HPSE2: variants seen among roughly 807,000 people sequenced by gnomAD.
HPSE2 encodes the protein inactive heparanase-2.
Under a neutral mutation model 60.5 loss-of-function variants are expected in HPSE2, and 38 were observed. That is an observed-to-expected ratio of 0.63 (90% CI 0.48 to 0.82). HPSE2 has a LOEUF of 0.82. Among genes scored for constraint, HPSE2 ranks in the 40% least tolerant of loss-of-function variants. HPSE2 has a pLI of 0.00. For synonymous variants in HPSE2, 295 were observed against 293.2 expected, an observed-to-expected ratio of 1.01 and a Z score of -0.06; for missense variants, 713 against 740.4, an observed-to-expected ratio of 0.96 and a Z score of 0.43.
intron 3 of HPSE2, chr10:99,013,216 C>T: frequency 1.5e-6 from 1 of 663,506 alleles, no homozygotes; most frequent in South Asian, 1.4e-5. Flanking sequence ...GTTAGCTTCA[C>T]AAACTGGGAG....
chr10:98,856,643 T>C (rs985630859), intron 3 of HPSE2, among the ~76,000 whole-genome samples: 5 of 152,176 alleles, frequency 3.3e-5, no homozygotes, highest in African/African-American at 1.2e-4. Flanking sequence ...ATAAGATGGA[T>C]GGCTGTGATG....
chr10:98,894,602 A>G (rs981608114), intron 3 of HPSE2, among the ~76,000 whole-genome samples: 3 of 152,038 alleles, frequency 2.0e-5, no homozygotes, highest in African/African-American at 7.3e-5. Context: ...AAAGTCAAAG[A>G]TATAGAAAAT....
chr10:98,970,634 T>C (rs1048715266), intron 3 of HPSE2, among the ~76,000 whole-genome samples: 2 of 152,204 alleles, frequency 1.3e-5, no homozygotes, highest in Non-Finnish European at 2.9e-5. Context: ...TTGCATTCCT[T>C]GAATTCAGGA....
At chr10:99,220,600 C>T (rs185388641) in intron 2 of HPSE2, among the ~76,000 whole-genome samples, 4 of 152,018 alleles carry the variant, frequency 2.6e-5, no homozygotes, top group East Asian at 2.0e-4. Context: ...CTCAAGAGAT[C>T]GAGACCATCC....
chr10:98,919,726 C>T (rs539238447), intron 3 of HPSE2, among the ~76,000 whole-genome samples: 60 of 151,994 alleles, frequency 3.9e-4, no homozygotes, highest in African/African-American at 1.3e-3. Flanking sequence ...ATATTAGATA[C>T]CAAGTGGCAA....
In HPSE2 at chr10:98,622,356, G is replaced by C. The variant is rs980563354; in HGVS notation, c.1099-1648C>G. Among the ~76,000 whole-genome samples the C allele has an allele frequency of 5.9e-5, 9 of 152,298 alleles. No homozygotes were observed. The East Asian group carries it at 9.6e-4, about 16-fold the overall frequency. ...ACACATAAGGAAAGATTATATAAGA[G>C]AGAGGTGAAAATTAAAACAAAAACA... On this transcript the variant is annotated intron_variant, in intron 7 of 11. Transcript: ENST00000370552.
intron 3 of HPSE2, among the ~76,000 whole-genome samples, chr10:99,031,488 T>C (rs1187390437): frequency 6.6e-6 from 1 of 152,214 alleles, no homozygotes; most frequent in Non-Finnish European, 1.5e-5. Flanking sequence ...ATTTCCATAA[T>C]ACACAGCACA....
intron 9 of HPSE2, among the ~76,000 whole-genome samples, chr10:98,564,708 CAA>C (rs1944289728): frequency 6.6e-6 from 1 of 152,160 alleles, no homozygotes; most frequent in African/African-American, 2.4e-5. Flanking sequence ...CTAAACCAAA[CAA>C]ACATTTTAGG....
intron 3 of HPSE2, among the ~76,000 whole-genome samples, chr10:98,995,727 T>C (rs1057222105): frequency 2.6e-5 from 4 of 151,850 alleles, no homozygotes; most frequent in Admixed American, 6.6e-5. Context: ...CCAGAACAAA[T>C]AAGAAATTCT....
chr10:98,459,664 A>G lies in HPSE2; in HGVS notation c.1689T>C (p.Leu563=). Residue 563 remains leucine (L), a synonymous_variant, in exon 12 of 12, where the codon CTT becomes CTC. Coordinates refer to ENST00000370552, the MANE Select transcript of HPSE2 (RefSeq NM_021828.5). ...GTLPELKPRP[L]RAGRTLVIPP... ...GGATGACCAATGTCCGGCCGGCCCG[A>G]AGGGGGCGGGGCTTCAATTCTGGGA... 6.2e-7 allele frequency: 1 copy of G among 1,614,140 alleles called. No individual in the cohort carries two copies. Among genetic ancestry groups the G allele is most frequent in the Non-Finnish European group, 8.5e-7 (1 of 1,180,010 alleles).
chr10:99,225,896 A>G (rs1312279739), intron 2 of HPSE2, among the ~76,000 whole-genome samples: 3 of 152,018 alleles, frequency 2.0e-5, no homozygotes, highest in Non-Finnish European at 4.4e-5. Flanking sequence ...ACATATTTTG[A>G]AGTTAAGAAA....
At chr10:98,725,697 C>T (rs917546499) in intron 4 of HPSE2, among the ~76,000 whole-genome samples, 1 of 152,122 alleles carries the variant, frequency 6.6e-6, no homozygotes, top group African/African-American at 2.4e-5. Flanking sequence ...TCAGAGTGAA[C>T]AGGCAACCTA....
chr10:98,459,814 A>C, intron 11 of HPSE2, 75 bp from the exon 12 acceptor site: 1 of 1,416,992 alleles, frequency 7.1e-7, no homozygotes, highest in Non-Finnish European at 9.8e-7. Context: ...CTAGCCCCAG[A>C]TGGCCTGGCA....
At chr10:98,594,456 T>C (rs1444645633) in intron 9 of HPSE2, among the ~76,000 whole-genome samples, 1 of 152,162 alleles carries the variant, frequency 6.6e-6, no homozygotes, top group African/African-American at 2.4e-5. Context: ...ATGGTTTTTT[T>C]AGTGGAGTCT....
chr10:98,703,572 G>A (rs905878982), intron 5 of HPSE2, among the ~76,000 whole-genome samples: 19 of 152,062 alleles, frequency 1.2e-4, no homozygotes, highest in East Asian at 1.9e-4. Context: ...CTTATCCACC[G>A]TGATCAAGTC....
intron 3 of HPSE2, among the ~76,000 whole-genome samples, chr10:99,032,527 AT>A (rs1377360924): frequency 6.6e-6 from 1 of 152,126 alleles, no homozygotes; most frequent in Non-Finnish European, 1.5e-5. Context: ...TGCTTTTATA[AT>A]TTTTTTAAAA....
intron 3 of HPSE2, among the ~76,000 whole-genome samples, chr10:99,030,852 C>G (rs1957483132): frequency 6.6e-6 from 1 of 152,118 alleles, no homozygotes; most frequent in Non-Finnish European, 1.5e-5. Flanking sequence ...AAATGAAGAT[C>G]ATTATGTTAA....
At chr10:98,749,546 A>G (rs910068700) in intron 3 of HPSE2, among the ~76,000 whole-genome samples, 2 of 151,682 alleles carry the variant, frequency 1.3e-5, no homozygotes, top group African/African-American at 4.8e-5. Context: ...CATATATAAA[A>G]GAAGATTATA....
chr10:98,884,801 C>T (rs867256437), intron 3 of HPSE2, among the ~76,000 whole-genome samples: 1 of 152,206 alleles, frequency 6.6e-6, no homozygotes, highest in South Asian at 2.1e-4. Context: ...GTAAGGAGCA[C>T]ACAACCTAGA....
Sources: allele counts gnomAD v4.1 joint callset (sites outside exome capture counted in the v4.1 genomes callset), GRCh38; gene constraint gnomAD v4.1.1; transcripts MANE v1.5; gene names NCBI Gene and HGNC (gene_info 2026-07-23, HGNC 2026-07-21).